Variants in FRA10AC1 observed in about 807,000 individuals in gnomAD.
The protein encoded by FRA10AC1 is protein FRA10AC1.
In FRA10AC1, 43 loss-of-function variants were observed where a neutral mutation model predicts 56.5. The observed-to-expected ratio is 0.76, with a 90% CI of 0.60 to 0.98. The LOEUF (loss-of-function observed/expected upper bound fraction) is 0.98. Ranked by LOEUF, FRA10AC1 falls within the 50% of genes least tolerant of loss-of-function variation. The pLI is 0.00. For synonymous variants in FRA10AC1, 112 were observed against 110.5 expected (o/e 1.01, Z -0.09); for missense variants, 346 against 351.8 (o/e 0.98, Z 0.13).
chr10:93,673,795 CA>C (rs1481018186), intron 12 of FRA10AC1: 1 of 450,966 alleles, frequency 2.2e-6, no homozygotes, highest in South Asian at 1.6e-5. Context: ...GATAATAATC[CA>C]ACGAAGTAGG....
At chr10:93,670,624 G>A in intron 13 of FRA10AC1, 146 bp downstream of exon 13, 1 of 473,384 alleles carries the variant, frequency 2.1e-6, no homozygotes. Context: ...CAATGGCTGG[G>A]AATAAGCTCT....
intron 13 of FRA10AC1, 46 bp from the exon 14 acceptor site, chr10:93,669,914 TTAC>T (rs200909144): frequency 0.016 from 16,679 of 1,014,596 alleles, 197 homozygotes; most frequent in Middle Eastern, 0.037. Context: ...AGTAAAAAAA[TTAC>T]TACATGATAC....
chr10:93,701,425 T>C (rs1164942327), intron 1 of FRA10AC1, among the ~76,000 whole-genome samples: 2 of 152,208 alleles, frequency 1.3e-5, no homozygotes, highest in African/African-American at 4.8e-5. Flanking sequence ...CTTGAATAAG[T>C]CATTTCATCT....
chr10:93,697,754 A>G (rs1340798917), intron 4 of FRA10AC1, among the ~76,000 whole-genome samples: 1 of 152,230 alleles, frequency 6.6e-6, no homozygotes, highest in Non-Finnish European at 1.5e-5. Context: ...AATTTTAAAT[A>G]CAAGTTTTAT....
chr10:93,688,553 C>A (rs1289448408), intron 7 of FRA10AC1, among the ~76,000 whole-genome samples: 1 of 152,084 alleles, frequency 6.6e-6, no homozygotes, highest in African/African-American at 2.4e-5. Context: ...AACAAATGTA[C>A]CCCTCTGGTG....
chr10:93,702,576 G>T lies in FRA10AC1; in HGVS notation c.-202C>A. 4.4e-6 allele frequency: 1 copy of T among 225,770 alleles called. No homozygotes were observed. The highest frequency in any genetic ancestry group is 5.2e-5 in the South Asian group (1 of 19,278). The allele number at this position is 225,770 out of a possible 1,614,324, so 14.0% of individuals were successfully genotyped here. ...CAACCCGCCTCTCCCTACGGGTCCC[G>T]ACTGGGCACCACTTCCGGTCCGACA... On this transcript the variant is annotated 5_prime_UTR_variant, in exon 1 of 14. Coordinates refer to ENST00000359204, the MANE Select transcript of FRA10AC1 (RefSeq NM_145246.5).
chr10:93,677,555 T>C (rs893586133), intron 11 of FRA10AC1, among the ~76,000 whole-genome samples: 5 of 152,170 alleles, frequency 3.3e-5, no homozygotes, highest in Non-Finnish European at 2.9e-5. Flanking sequence ...CCCAAGAACA[T>C]AATTAGAACC....
At chr10:93,697,930 T>C (rs1173154307) in intron 4 of FRA10AC1, among the ~76,000 whole-genome samples, 2 of 152,162 alleles carry the variant, frequency 1.3e-5, no homozygotes, top group Non-Finnish European at 2.9e-5. Context: ...TAGTAATATG[T>C]TTTATTATTT....
At chr10:93,697,363 TAAAAG>T (rs2059250459) in intron 4 of FRA10AC1, among the ~76,000 whole-genome samples, 1 of 152,138 alleles carries the variant, frequency 6.6e-6, no homozygotes, top group African/African-American at 2.4e-5. Flanking sequence ...TTCTATAACT[TAAAAG>T]AAAAATATTG....
chr10:93,684,441 C>T (rs1012004709), intron 9 of FRA10AC1, among the ~76,000 whole-genome samples: 8 of 151,556 alleles, frequency 5.3e-5, no homozygotes, highest in African/African-American at 1.2e-4. Flanking sequence ...CTCTGAAGTG[C>T]TCTAAGAACT....
intron 4 of FRA10AC1, among the ~76,000 whole-genome samples, chr10:93,697,416 C>T (rs562758019): frequency 7.2e-5 from 11 of 152,240 alleles, no homozygotes; most frequent in South Asian, 2.1e-4. Context: ...AGGTAGGGGG[C>T]GTATCAAATT....
rs183853731 is a variant in FRA10AC1, at chr10:93,698,074, C to T, written c.219+62G>A. 4.2e-5 allele frequency: 40 copies of T among 947,214 alleles called. No homozygotes were observed. In the African/African-American group the frequency reaches 5.8e-4, roughly 14 times the overall value. 58.7% of individuals were successfully genotyped at this position (947,214 alleles called of 1,614,324 possible). A position where few individuals can be genotyped will look rare whatever the true frequency, so the allele number is the denominator to read the frequency against. On this transcript the variant is annotated intron_variant, in intron 4 of 13. Transcript: ENST00000359204. ...TTTGACTTCACAAGATTTTATAAAA[C>T]AAAAAAGCAGATTTTAAAATATTCT...
At chr10:93,698,227 A>C in intron 3 of FRA10AC1, 46 bp from the exon 4 acceptor site, 1 of 1,508,166 alleles carries the variant, frequency 6.6e-7, no homozygotes, top group Non-Finnish European at 9.1e-7. Context: ...GTTTATATTC[A>C]AATTAACATA....
rs1280507005 is a variant in FRA10AC1 at position 93,692,692 on chromosome 10, T to C, written c.334A>G (p.Asn112Asp). ...DKTDLDVIRE[N>D]HRFLWNEEDE... ...TCCTCATTCCATAGGAATCTATGAT[T>C]TTCTCGTATAACATCCAAGTCTGTC... Residue 112 changes from asparagine (N) to aspartate (D), a missense_variant, in exon 6 of 14, where the codon AAT (asparagine) becomes GAT (aspartate). Transcript: ENST00000359204. 6.3e-7 allele frequency: 1 copy of C among 1,596,496 alleles called. No homozygotes were observed. Among genetic ancestry groups the C allele is most frequent in the African/African-American group, 1.4e-5 (1 of 73,652 alleles).
chr10:93,695,366 G>A (rs2059214106), intron 4 of FRA10AC1, among the ~76,000 whole-genome samples: 1 of 151,414 alleles, frequency 6.6e-6, no homozygotes. Context: ...TAATGATAAA[G>A]CCTCTAAATA....
chr10:93,692,558 G>T, intron 6 of FRA10AC1, 88 bp downstream of exon 6: 1 of 788,608 alleles, frequency 1.3e-6, no homozygotes, highest in Non-Finnish European at 2.2e-6. Context: ...CTATGAAGGG[G>T]CTGAACACCT....
chr10:93,674,000 C>G (rs1321013409), intron 12 of FRA10AC1: 1 of 168,858 alleles, frequency 5.9e-6, no homozygotes, highest in Non-Finnish European at 1.3e-5. Flanking sequence ...TTAATCCCAG[C>G]TTTGCCATTA....
At chr10:93,692,285 C>T (rs1194579597) in intron 6 of FRA10AC1, among the ~76,000 whole-genome samples, 192 bp from the exon 7 acceptor site, 3 of 152,082 alleles carry the variant, frequency 2.0e-5, no homozygotes, top group African/African-American at 4.8e-5. Flanking sequence ...GGAGAACTGA[C>T]AGTCACAAAT....
chr10:93,691,462 C>T (rs2059123414), intron 7 of FRA10AC1, among the ~76,000 whole-genome samples: 1 of 152,080 alleles, frequency 6.6e-6, no homozygotes, highest in African/African-American at 2.4e-5. Context: ...CAGGCATGAG[C>T]CATCACGCCC....
Sources: allele counts gnomAD v4.1 joint callset (sites outside exome capture counted in the v4.1 genomes callset), GRCh38; gene constraint gnomAD v4.1.1; transcripts MANE v1.5; gene names NCBI Gene and HGNC (gene_info 2026-07-23, HGNC 2026-07-21).